The following NR1I2 variants were observed in gnomAD, a reference collection of about 807,000 sequenced individuals.
NR1I2 encodes the protein orphan nuclear receptor PAR1.
Under a neutral mutation model 43.3 loss-of-function variants are expected in NR1I2, and 42 were observed. That is an observed-to-expected ratio of 0.97 (90% CI 0.76 to 1.26). The LOEUF (loss-of-function observed/expected upper bound fraction) is 1.26. NR1I2 is among the 50% of genes most tolerant of loss of function. The pLI, the probability that NR1I2 is intolerant of heterozygous loss-of-function variation, is 0.00. For missense variants in NR1I2, 559 were observed against 566.7 expected, an observed-to-expected ratio of 0.99 and a Z score of 0.14; for synonymous variants, 229 against 215.0, an observed-to-expected ratio of 1.06 and a Z score of -0.57.
In NR1I2 at chr3:119,817,182, G is replaced by A; in HGVS notation, c.1275G>A (p.Met425Ile). 2 of 1,614,192 alleles carry A rather than the reference G, an allele frequency of 1.2e-6. No individual in the cohort carries two copies. The highest frequency in any genetic ancestry group is 1.7e-6 in the Non-Finnish European group (2 of 1,180,044). ...TACACCCCTTTGCTACGCCCCTCAT[G>A]CAGGAGTTGTTCGGCATCACAGGTA... is the stretch of plus-strand genomic sequence containing the variant. The change falls in exon 9 of 9, where the codon ATG (methionine) becomes ATA (isoleucine). Residue 425 changes from methionine (M) to isoleucine (I), a missense_variant. Physicochemically the swap from Met to Ile is conservative, Grantham distance 10. Coordinates refer to ENST00000393716, the MANE Select transcript of NR1I2 (RefSeq NM_003889.4).
chr3:119,798,401 T>C (rs1426747637), intron 1 of NR1I2, among the ~76,000 whole-genome samples: 2 of 152,166 alleles, frequency 1.3e-5, no homozygotes, highest in Non-Finnish European at 2.9e-5. Flanking sequence ...AATAGCATTA[T>C]TGAGAGATAC....
At chr3:119,805,386 T>A (rs567125859) in intron 1 of NR1I2, among the ~76,000 whole-genome samples, 11 of 152,194 alleles carry the variant, frequency 7.2e-5, no homozygotes, top group African/African-American at 2.6e-4. Flanking sequence ...GGAAAGTGAG[T>A]TCCCCCAAAA....
chr3:119,801,194 G>T (rs895074147), intron 1 of NR1I2, among the ~76,000 whole-genome samples: 1 of 152,172 alleles, frequency 6.6e-6, no homozygotes, highest in Non-Finnish European at 1.5e-5. Flanking sequence ...CTTCCTTTCT[G>T]AGAACGTAGT....
At chr3:119,784,815 C>T (rs1026368876) in intron 1 of NR1I2, among the ~76,000 whole-genome samples, 1 of 152,136 alleles carries the variant, frequency 6.6e-6, no homozygotes, top group Non-Finnish European at 1.5e-5. Context: ...ATTTCTGTGT[C>T]CTTTTGTATT....
At position 119,807,354 on chromosome 3, in the gene NR1I2, T is replaced by A; in HGVS notation, c.104T>A (p.Val35Asp). Residue 35 changes from valine (V) to aspartate (D), a missense_variant, in exon 2 of 9, where the codon GTC becomes GAC. This residue lies in a region of NR1I2 where 232 missense variants were observed against 236.6 expected (regional missense o/e 0.98). Coordinates refer to ENST00000393716, the MANE Select transcript of NR1I2 (RefSeq NM_003889.4). ...CCCAGTGTCAACGCAGATGAGGAAG[T>A]CGGAGGTCCCCAAATCTGCCGTGTA... 6.2e-7 allele frequency: 1 copy of A among 1,614,080 alleles called. No individual in the cohort carries two copies. Among genetic ancestry groups the A allele is most frequent in the Non-Finnish European group, 8.5e-7 (1 of 1,179,996 alleles).
chr3:119,810,318 A>C, intron 3 of NR1I2, 124 bp downstream of exon 3: 1 of 1,412,250 alleles, frequency 7.1e-7, no homozygotes, highest in Non-Finnish European at 9.5e-7. Context: ...ACACGTGCAC[A>C]TGTGAGCTGG....
chr3:119,806,647 C>T (rs979440154), intron 1 of NR1I2, among the ~76,000 whole-genome samples: 1 of 152,140 alleles, frequency 6.6e-6, no homozygotes, highest in African/African-American at 2.4e-5. Flanking sequence ...CTGCTGGGAC[C>T]ACAGGCCATT....
At chr3:119,811,930 G>A (rs2055249730) in intron 4 of NR1I2, among the ~76,000 whole-genome samples, 1 of 152,174 alleles carries the variant, frequency 6.6e-6, no homozygotes, top group Non-Finnish European at 1.5e-5. Flanking sequence ...GTGGTCCCTG[G>A]GTCAGCAGCA....
rs747645727 is a variant in NR1I2 at position 119,817,148 on chromosome 3, T to C, written c.1241T>C (p.Ile414Thr). ...CAGCACACCCAGCGGCTGCTGCGCA[T>C]CCAGGACATACACCCCTTTGCTACG... Residue 414 changes from isoleucine (I) to threonine (T), a missense_variant, in exon 9 of 9, where the codon ATC becomes ACC. Coordinates refer to ENST00000393716, the MANE Select transcript of NR1I2 (RefSeq NM_003889.4). 1 of 1,614,150 alleles carries C rather than the reference T, an allele frequency of 6.2e-7. No homozygotes were observed. Among genetic ancestry groups the C allele is most frequent in the Non-Finnish European group, 8.5e-7 (1 of 1,180,016 alleles).
chr3:119,788,235 C>G (rs570739997), intron 1 of NR1I2, among the ~76,000 whole-genome samples: 30 of 150,216 alleles, frequency 2.0e-4, no homozygotes, highest in Admixed American at 1.3e-4. Flanking sequence ...CGCCTCAGCC[C>G]CCCAGAGAGC....
At chr3:119,810,284 T>C (rs2055220934) in intron 3 of NR1I2, 90 bp downstream of exon 3, 1 of 1,505,178 alleles carries the variant, frequency 6.6e-7, no homozygotes, top group Non-Finnish European at 8.9e-7. Flanking sequence ...TGTGTGGAGA[T>C]GCGCGCCGAG....
At chr3:119,815,653 A>C in intron 7 of NR1I2, 73 bp from the exon 8 acceptor site, 1 of 1,351,858 alleles carries the variant, frequency 7.4e-7, no homozygotes, top group African/African-American at 1.4e-5. Flanking sequence ...GTTGGCGAGC[A>C]ATGCCCTGAC....
intron 5 of NR1I2, among the ~76,000 whole-genome samples, chr3:119,813,553 G>A (rs545456100): frequency 2.0e-5 from 3 of 152,266 alleles, no homozygotes; most frequent in African/African-American, 7.2e-5. Context: ...GGTGCCAGGT[G>A]TATCTGTCCT....
At chr3:119,782,873 AT>A in intron 1 of NR1I2, 1 of 1,584,974 alleles carries the variant, frequency 6.3e-7, no homozygotes, top group Non-Finnish European at 8.7e-7. Flanking sequence ...TACCTCTACT[AT>A]TGAAAGGGCA....
At chr3:119,805,888 T>G (rs2055152674) in intron 1 of NR1I2, among the ~76,000 whole-genome samples, 1 of 152,152 alleles carries the variant, frequency 6.6e-6, no homozygotes, top group South Asian at 2.1e-4. Flanking sequence ...GGATTATGAT[T>G]TGAAAAATCA....
intron 1 of NR1I2, among the ~76,000 whole-genome samples, chr3:119,788,781 A>G (rs935731479): frequency 6.6e-6 from 1 of 152,166 alleles, no homozygotes; most frequent in African/African-American, 2.4e-5. Context: ...GAGTCATTTC[A>G]CATATCTCTT....
At chr3:119,808,080 G>A (rs963782797) in intron 2 of NR1I2, among the ~76,000 whole-genome samples, 4 of 152,234 alleles carry the variant, frequency 2.6e-5, no homozygotes, top group African/African-American at 9.6e-5. Flanking sequence ...AGTTATAACA[G>A]GGGTGAGACA....
intron 1 of NR1I2, among the ~76,000 whole-genome samples, chr3:119,794,615 A>T (rs1435218270): frequency 2.0e-5 from 3 of 150,884 alleles, no homozygotes; most frequent in Non-Finnish European, 4.4e-5. Context: ...ATGAGCCCCC[A>T]CACCTGGCCT....
chr3:119,815,787 T>G lies in NR1I2; in HGVS notation c.1116T>G (p.Thr372=). 1 of 1,613,762 alleles carries G rather than the reference T, an allele frequency of 6.2e-7. No homozygotes were observed. Among genetic ancestry groups the G allele is most frequent in the East Asian group, 2.2e-5 (1 of 44,878 alleles). ...AGCTGCAGGAGCAATTCGCCATTAC[T>G]CTGAAGTCCTACATTGAATGCAATC... Residue 372 remains threonine (T), a synonymous_variant, in exon 8 of 9, where the codon ACT becomes ACG. Transcript: ENST00000393716.
Sources: allele counts gnomAD v4.1 joint callset (sites outside exome capture counted in the v4.1 genomes callset), GRCh38; gene constraint gnomAD v4.1.1; regional missense constraint gnomAD v4.1.1; transcripts MANE v1.5; gene names NCBI Gene and HGNC (gene_info 2026-07-23, HGNC 2026-07-21).